Variants in KATNIP observed in about 807,000 individuals in gnomAD.
KATNIP encodes the protein katanin interacting protein.
Under a neutral mutation model 174.0 loss-of-function variants are expected in KATNIP, and 126 were observed. The ratio of observed to expected loss-of-function variants is 0.72; its 90% CI spans 0.63 to 0.84. KATNIP has a LOEUF of 0.84. KATNIP is among the 40% of genes least tolerant of loss of function. The pLI is 0.00. For synonymous variants in KATNIP, 810 were observed against 835.7 expected, an observed-to-expected ratio of 0.97 and a Z score of 0.53; for missense variants, 1,958 against 2,109.7, an observed-to-expected ratio of 0.93 and a Z score of 1.41.
At chr16:27,558,921 C>T (rs2089739041) in intron 1 of KATNIP, among the ~76,000 whole-genome samples, 2 of 152,202 alleles carry the variant, frequency 1.3e-5, no homozygotes, top group African/African-American at 4.8e-5. Context: ...TTATGGAAGG[C>T]CCATTTCAGC....
intron 14 of KATNIP, among the ~76,000 whole-genome samples, chr16:27,730,714 G>A (rs1192381208): frequency 6.6e-6 from 1 of 152,136 alleles, no homozygotes; most frequent in Non-Finnish European, 1.5e-5. Context: ...GGCCCCTTGT[G>A]GGGGTCTCCA....
chr16:27,620,174 C>A (rs1401044696), intron 3 of KATNIP, among the ~76,000 whole-genome samples: 3 of 152,170 alleles, frequency 2.0e-5, no homozygotes, highest in African/African-American at 7.2e-5. Flanking sequence ...TATATCAAAA[C>A]TGAGTTGCCA....
rs2078182448 is a variant in KATNIP, at chr16:27,677,903, C to T, written c.715C>T (p.Gln239Ter). 1 of 1,614,192 alleles carries T rather than the reference C, an allele frequency of 6.2e-7. No individual in the cohort carries two copies. Among genetic ancestry groups the T allele is most frequent in the Middle Eastern group, 1.6e-4 (1 of 6,062 alleles). Residue 239 changes from glutamine (Q) to a stop codon, truncating the protein, a stop_gained, in exon 7 of 28, where the codon CAG (glutamine) becomes TAG (stop). Transcript: ENST00000261588. LOFTEE classifies it high-confidence loss of function. ...DRPPSSGDWT[Q>*]KDVHGEQETE... ...CCCTCCTTCCAGTGGCGACTGGACT[C>T]AGAAAGATGTTCACGGGGAACAGGA...
At chr16:27,778,508 G>A in intron 27 of KATNIP, 66 bp from the exon 28 acceptor site, 1 of 1,523,322 alleles carries the variant, frequency 6.6e-7, no homozygotes, top group South Asian at 1.2e-5. Context: ...TCACTGGGGA[G>A]TGTGGGGCAC....
intron 1 of KATNIP, among the ~76,000 whole-genome samples, chr16:27,562,628 A>C (rs550792286): frequency 5.1e-4 from 78 of 152,168 alleles, no homozygotes; most frequent in Non-Finnish European, 1.1e-3. Context: ...CTCATACACT[A>C]TGGGGAACTG....
rs1217308259 is a variant in KATNIP at position 27,631,133 on chromosome 16, A to G, written c.379A>G (p.Ser127Gly). 1.9e-6 allele frequency: 3 copies of G among 1,573,416 alleles called. No individual in the cohort carries two copies. Among genetic ancestry groups the G allele is most frequent in the African/African-American group, 1.3e-5 (1 of 74,132 alleles). ...AAGACGCAGTTCACGGACAGCCCCC[A>G]GTAAAGTCCAGCGCCGAGGATGGCA... ...ALRRSSRTAPSKVQRRGWHQK... is the reference protein window; with the variant it reads ...ALRRSSRTAPGKVQRRGWHQK... The change falls in exon 5 of 28, where the codon AGT (serine) becomes GGT (glycine). Residue 127 changes from serine (S) to glycine (G), a missense_variant. This residue lies in a region of KATNIP where 1,557 missense variants were observed against 1,617.8 expected (regional missense o/e 0.96). Coordinates refer to ENST00000261588, the MANE Select transcript of KATNIP (RefSeq NM_015202.5).
chr16:27,655,973 A>G (rs1003352447), intron 6 of KATNIP, among the ~76,000 whole-genome samples: 2 of 152,240 alleles, frequency 1.3e-5, no homozygotes, highest in Admixed American at 6.5e-5. Context: ...TTAAACAATG[A>G]TAGAGAGAAC....
chr16:27,709,123 A>C (rs2079455096), intron 13 of KATNIP: 1 of 507,204 alleles, frequency 2.0e-6, no homozygotes, highest in Non-Finnish European at 3.5e-6. Context: ...GTTCAAGACC[A>C]GCCTGGGCAA....
intron 1 of KATNIP, among the ~76,000 whole-genome samples, chr16:27,571,895 C>T (rs531752831): frequency 6.6e-6 from 1 of 152,254 alleles, no homozygotes; most frequent in African/African-American, 2.4e-5. Context: ...CTGGGAGCTG[C>T]TCATTCTAGC....
chr16:27,739,670 G>A (rs1443706203), intron 14 of KATNIP, among the ~76,000 whole-genome samples: 2 of 152,216 alleles, frequency 1.3e-5, no homozygotes, highest in African/African-American at 4.8e-5. Context: ...ACAGGGGAAT[G>A]ACTGGACAGA....
intron 13 of KATNIP, among the ~76,000 whole-genome samples, chr16:27,713,972 C>T (rs978449739): frequency 6.7e-6 from 1 of 150,360 alleles, no homozygotes; most frequent in Non-Finnish European, 1.5e-5. Context: ...TGTGAACAGG[C>T]CTCCGCCCCA....
chr16:27,656,864 C>G (rs1016792219), intron 6 of KATNIP, among the ~76,000 whole-genome samples: 1 of 149,620 alleles, frequency 6.7e-6, no homozygotes, highest in Non-Finnish European at 1.5e-5. Flanking sequence ...GTGCAGCGCA[C>G]CAGCATGGCA....
At chr16:27,572,015 T>G (rs929313659) in intron 1 of KATNIP, among the ~76,000 whole-genome samples, 5 of 152,092 alleles carry the variant, frequency 3.3e-5, no homozygotes, top group African/African-American at 1.2e-4. Flanking sequence ...TATGTGTGTG[T>G]GTGTTTAACT....
chr16:27,661,616 C>T (rs1460914586), intron 6 of KATNIP, among the ~76,000 whole-genome samples: 1 of 151,824 alleles, frequency 6.6e-6, no homozygotes, highest in Non-Finnish European at 1.5e-5. Flanking sequence ...TGGTCTCGAA[C>T]TCCTGACCTC....
chr16:27,720,205 C>CT (rs1420695341), intron 13 of KATNIP, among the ~76,000 whole-genome samples: 1 of 152,106 alleles, frequency 6.6e-6, no homozygotes, highest in Non-Finnish European at 1.5e-5. Flanking sequence ...ATTCTCCTGC[C>CT]TCCGCCTCCT....
chr16:27,778,678 G>A lies in KATNIP; in HGVS notation c.*49G>A. 1.3e-6 allele frequency: 2 copies of A among 1,576,144 alleles called. No individual in the cohort carries two copies. Among genetic ancestry groups the A allele is most frequent in the Non-Finnish European group, 1.7e-6 (2 of 1,150,430 alleles). ...CCTCCCACTATGGTGGGCTCCGTCA[G>A]CAGCCCCACTCAGTGCCTGCGTCCC... On this transcript the variant is annotated 3_prime_UTR_variant, in exon 28 of 28. Transcript: ENST00000261588.
At chr16:27,638,419 A>G (rs901732424) in intron 5 of KATNIP, among the ~76,000 whole-genome samples, 2 of 152,222 alleles carry the variant, frequency 1.3e-5, no homozygotes, top group African/African-American at 4.8e-5. Context: ...CATGGTAGAC[A>G]GTCCATGGAG....
intron 12 of KATNIP, among the ~76,000 whole-genome samples, chr16:27,706,746 C>G (rs2079323976): frequency 6.6e-6 from 1 of 152,214 alleles, no homozygotes; most frequent in Admixed American, 6.5e-5. Context: ...CAGCCTGCCT[C>G]CCATCTGGTC....
rs370198634 is a variant in KATNIP at position 27,577,489 on chromosome 16, T to C, written c.63+3533T>C. ...GGCAGATCACCTGAGGTCAGGAGTT[T>C]GAGACCAGCCTGGCCAACATGGTGA... On this transcript the variant is annotated intron_variant, in intron 2 of 27. Coordinates refer to ENST00000261588, the MANE Select transcript of KATNIP (RefSeq NM_015202.5). Among the ~76,000 whole-genome samples the C allele has an allele frequency of 3.2e-4, 48 of 152,180 alleles. 1 individual carries two copies. Among genetic ancestry groups the C allele is most frequent in the African/African-American group, 8.7e-4 (36 of 41,524 alleles).
Sources: gnomAD v4.1 joint callset for allele counts (sites outside exome capture counted in the v4.1 genomes callset) on GRCh38, gnomAD v4.1.1 for gene constraint, gnomAD v4.1.1 regional missense constraint, MANE v1.5 for transcripts, NCBI Gene and HGNC (gene_info 2026-07-23, HGNC 2026-07-21) for gene names.